Variants in GPC5 observed in about 807,000 individuals in gnomAD.
The protein encoded by GPC5 is glypican-5.
GPC5 carries 47 observed loss-of-function variants against 53.9 expected under a neutral mutation model. The ratio of observed to expected loss-of-function variants is 0.87; its 90% CI spans 0.69 to 1.11. The LOEUF is 1.11. Ranked by LOEUF, GPC5 falls within the 50% of genes most tolerant of loss-of-function variation. The pLI, the probability that GPC5 is intolerant of heterozygous loss-of-function variation, is 0.00. For synonymous variants in GPC5, 286 were observed against 263.3 expected, an observed-to-expected ratio of 1.09 and a Z score of -0.84; for missense variants, 748 against 713.1, an observed-to-expected ratio of 1.05 and a Z score of -0.56.
At chr13:91,852,920 T>C (rs1488349721) in intron 5 of GPC5, among the ~76,000 whole-genome samples, 1 of 152,124 alleles carries the variant, frequency 6.6e-6, no homozygotes, top group African/African-American at 2.4e-5. Context: ...GCTGAGTGCC[T>C]ACTCTAGGAC....
chr13:92,713,970 G>T (rs9523788), intron 7 of GPC5, among the ~76,000 whole-genome samples: 94 of 152,136 alleles, frequency 6.2e-4, no homozygotes, highest in African/African-American at 2.1e-3. Context: ...TGCAATGCAT[G>T]TTCTTCAAAA....
intron 7 of GPC5, among the ~76,000 whole-genome samples, chr13:92,620,044 GTAT>G (rs1884821053): frequency 6.6e-6 from 1 of 152,022 alleles, no homozygotes; most frequent in East Asian, 1.9e-4. Context: ...ATCAGAGTTA[GTAT>G]TATTATCCTC....
chr13:92,683,949 T>C (rs1474519483), intron 7 of GPC5, among the ~76,000 whole-genome samples: 1 of 152,198 alleles, frequency 6.6e-6, no homozygotes, highest in Non-Finnish European at 1.5e-5. Flanking sequence ...TAGGGTTCAC[T>C]CTTTATGTTG....
Position 92,023,665 on chromosome 13 carries a change from G to GACACACACACACAC in GPC5, c.1401+115625_1401+115638dup, listed in dbSNP as rs367677767. Among the ~76,000 whole-genome samples, 84 of 141,216 alleles carry GACACACACACACAC rather than the reference G, an allele frequency of 5.9e-4. No individual in the cohort carries two copies. The East Asian group carries it at 6.0e-3, about 10-fold the overall frequency. 92.6% of individuals were successfully genotyped at this position (141,216 alleles called of 152,430 possible). On this transcript the variant is annotated intron_variant, in intron 6 of 7. Coordinates refer to ENST00000377067, the MANE Select transcript of GPC5 (RefSeq NM_004466.6). Reference sequence around the variant, plus strand: ...TCCTTAAAAATCCTCCTTTGCTGAGGACACACACACACACACACACACACA... The same window carrying GACACACACACACAC: ...TCCTTAAAAATCCTCCTTTGCTGAGGACACACACACACACACACACACACACACACACACACACA...
chr13:92,442,003 A>G (rs1051258698), intron 7 of GPC5, among the ~76,000 whole-genome samples: 1 of 152,224 alleles, frequency 6.6e-6, no homozygotes, highest in Admixed American at 6.5e-5. Flanking sequence ...AATATGCATT[A>G]TTTAAGAGGC....
At chr13:91,794,330 T>C (rs1566265979) in intron 5 of GPC5, among the ~76,000 whole-genome samples, 2 of 152,168 alleles carry the variant, frequency 1.3e-5, no homozygotes, top group Non-Finnish European at 2.9e-5. Context: ...ATTCTTTTTG[T>C]TTTAAATGGA....
intron 2 of GPC5, among the ~76,000 whole-genome samples, chr13:91,477,319 G>C (rs1332657588): frequency 2.0e-5 from 3 of 152,132 alleles, no homozygotes; most frequent in African/African-American, 7.2e-5. Context: ...AAAATTTTCA[G>C]GGTTTGGAGA....
chr13:91,482,803 C>A (rs1052552109), intron 2 of GPC5, among the ~76,000 whole-genome samples: 1 of 151,946 alleles, frequency 6.6e-6, no homozygotes, highest in Non-Finnish European at 1.5e-5. Flanking sequence ...GGCTGAGAAA[C>A]ACTGCTCTTC....
At chr13:92,615,420 A>G (rs1884647564) in intron 7 of GPC5, among the ~76,000 whole-genome samples, 2 of 152,206 alleles carry the variant, frequency 1.3e-5, no homozygotes, top group South Asian at 4.1e-4. Context: ...CCATTTCTAT[A>G]GAACATGTGG....
chr13:92,131,889 T>C (rs926589193), intron 6 of GPC5, among the ~76,000 whole-genome samples: 1 of 151,532 alleles, frequency 6.6e-6, no homozygotes, highest in Non-Finnish European at 1.5e-5. Context: ...AAAGCACATT[T>C]TGCCTATCTA....
At chr13:91,441,172 G>A (rs1880393128) in intron 1 of GPC5, among the ~76,000 whole-genome samples, 1 of 152,092 alleles carries the variant, frequency 6.6e-6, no homozygotes, top group East Asian at 1.9e-4. Flanking sequence ...GGGCTTTCAA[G>A]TCTGTTATAT....
intron 2 of GPC5, among the ~76,000 whole-genome samples, chr13:91,550,200 A>G (rs1278489354): frequency 2.0e-5 from 3 of 152,160 alleles, no homozygotes. Context: ...CAAAGTGTAT[A>G]GACAGCAAAA....
At chr13:92,480,136 A>G (rs558092910) in intron 7 of GPC5, among the ~76,000 whole-genome samples, 1 of 152,250 alleles carries the variant, frequency 6.6e-6, no homozygotes, top group Non-Finnish European at 1.5e-5. Flanking sequence ...TAAAAACAAA[A>G]GACTACAAAG....
chr13:91,860,417 C>T (rs1203130785), intron 5 of GPC5, among the ~76,000 whole-genome samples: 4 of 150,102 alleles, frequency 2.7e-5, no homozygotes, highest in East Asian at 2.0e-4. Flanking sequence ...CTTTTATGGC[C>T]GAATAGTACT....
At chr13:92,586,155 C>G (rs1203659791) in intron 7 of GPC5, among the ~76,000 whole-genome samples, 1 of 152,170 alleles carries the variant, frequency 6.6e-6, no homozygotes, top group Non-Finnish European at 1.5e-5. Context: ...TATGAGAAGA[C>G]AGAATGGTGT....
At chr13:91,478,512 A>G (rs994438970) in intron 2 of GPC5, among the ~76,000 whole-genome samples, 9 of 151,730 alleles carry the variant, frequency 5.9e-5, no homozygotes, top group Non-Finnish European at 1.5e-5. Context: ...AATTTATTAC[A>G]TTTATTGTTT....
At chr13:92,511,307 A>G (rs1365885330) in intron 7 of GPC5, among the ~76,000 whole-genome samples, 3 of 152,026 alleles carry the variant, frequency 2.0e-5, no homozygotes, top group Non-Finnish European at 2.9e-5. Flanking sequence ...GCATTCTGGG[A>G]AAGTATCTCA....
chr13:91,581,050 G>T (rs557512277), intron 2 of GPC5, among the ~76,000 whole-genome samples: 178 of 152,256 alleles, frequency 1.2e-3, no homozygotes, highest in Non-Finnish European at 2.2e-3. Flanking sequence ...ATCAGATCTT[G>T]TGAACTTACC....
intron 7 of GPC5, among the ~76,000 whole-genome samples, chr13:92,162,481 G>A (rs549721480): frequency 1.3e-5 from 2 of 152,222 alleles, no homozygotes; most frequent in South Asian, 4.1e-4. Flanking sequence ...TCAGTCTTAG[G>A]GATAACATGA....
Sources: gnomAD v4.1 joint callset for allele counts (sites outside exome capture counted in the v4.1 genomes callset) on GRCh38, gnomAD v4.1.1 for gene constraint, MANE v1.5 for transcripts, NCBI Gene and HGNC (gene_info 2026-07-23, HGNC 2026-07-21) for gene names.